The following SMAD2 variants were observed in gnomAD, a reference collection of about 807,000 sequenced individuals.
SMAD2 encodes the protein MAD homolog 2.
Under a neutral mutation model 64.4 loss-of-function variants are expected in SMAD2, and 8 were observed. The observed-to-expected ratio is 0.12, with a 90% CI of 0.07 to 0.22. SMAD2 has a LOEUF of 0.22. Among genes scored for constraint, SMAD2 ranks in the 10% least tolerant of loss-of-function variants. The probability of loss-of-function intolerance (pLI) is 1.00; values close to 1 mark genes in which losing one functional copy is unlikely to be tolerated. For missense variants in SMAD2, 289 were observed against 561.2 expected (o/e 0.51, Z 4.90); for synonymous variants, 203 against 195.8 (o/e 1.04, Z -0.31).
chr18:47,820,882 C>T lies in SMAD2; in HGVS notation c.*20945G>A, dbSNP rs952733113. Reference sequence around the variant, plus strand: ...TTGTATATACACGATAGTGTAAATGCTATACATGCACTATACACACACACA... The same window carrying T: ...TTGTATATACACGATAGTGTAAATGTTATACATGCACTATACACACACACA... On this transcript the variant is annotated 3_prime_UTR_variant, in exon 11 of 11. Coordinates refer to ENST00000262160, the MANE Select transcript of SMAD2 (RefSeq NM_005901.6). The T allele has an allele frequency of 1.4e-5, 2 of 142,874 alleles. No individual in the cohort carries two copies. The highest frequency in any genetic ancestry group is 6.9e-5 in the Admixed American group (1 of 14,406). The allele number at this position is 142,874 out of a possible 1,614,324, so 8.9% of individuals were successfully genotyped here. A position where few individuals can be genotyped will look rare whatever the true frequency, so the allele number is the denominator to read the frequency against.
intron 6 of SMAD2, among the ~76,000 whole-genome samples, chr18:47,855,839 T>C (rs1385051419): frequency 6.6e-6 from 1 of 152,106 alleles, no homozygotes; most frequent in East Asian, 1.9e-4. Flanking sequence ...ACCACCCATC[T>C]CTCCTGGCCT....
Position 47,820,932 on chromosome 18 carries a change from CACACACACAA to C in SMAD2, c.*20885_*20894del, listed in dbSNP as rs1912552484. The C allele has an allele frequency of 7.1e-6, 1 of 141,380 alleles. No homozygotes were observed. Among genetic ancestry groups the C allele is most frequent in the African/African-American group, 2.7e-5 (1 of 37,618 alleles). The allele number at this position is 141,380 out of a possible 1,614,324, so 8.8% of individuals were successfully genotyped here. On this transcript the variant is annotated 3_prime_UTR_variant, in exon 11 of 11. Transcript: ENST00000262160. ...ACACACACACACACACACACACACA[CACACACACAA>C]AATTTGGTCCCCAATGTTAGAACAA...
intron 1 of SMAD2, among the ~76,000 whole-genome samples, chr18:47,900,272 A>C (rs571310642): frequency 6.6e-6 from 1 of 152,274 alleles, no homozygotes; most frequent in Non-Finnish European, 1.5e-5. Context: ...CACTTACAGG[A>C]CAACTCAACT....
chr18:47,882,734 A>G (rs1295790208), intron 2 of SMAD2, among the ~76,000 whole-genome samples: 1 of 152,154 alleles, frequency 6.6e-6, no homozygotes, highest in Non-Finnish European at 1.5e-5. Flanking sequence ...TACCAGTAAA[A>G]CCATGTGGGC....
intron 1 of SMAD2, among the ~76,000 whole-genome samples, chr18:47,921,689 T>C (rs1158843434): frequency 6.6e-6 from 1 of 152,248 alleles, no homozygotes; most frequent in Non-Finnish European, 1.5e-5. Flanking sequence ...CTGTCTCCTT[T>C]CATTGAATGG....
At chr18:47,881,457 G>A (rs897803201) in intron 2 of SMAD2, among the ~76,000 whole-genome samples, 1 of 152,158 alleles carries the variant, frequency 6.6e-6, no homozygotes, top group Non-Finnish European at 1.5e-5. Flanking sequence ...GTGCAGCCTT[G>A]CTAAATTTAC....
chr18:47,851,866 G>C (rs1251255504), intron 6 of SMAD2, among the ~76,000 whole-genome samples: 1 of 152,098 alleles, frequency 6.6e-6, no homozygotes, highest in Non-Finnish European at 1.5e-5. Context: ...TGACCGTTTT[G>C]CACGCTTCCA....
chr18:47,850,286 ATTATG>A (rs1342390439), intron 7 of SMAD2, among the ~76,000 whole-genome samples: 43 of 52,928 alleles, frequency 8.1e-4, no homozygotes, highest in East Asian at 7.5e-3. Flanking sequence ...TATTATATAT[ATTATG>A]TATAATATAT....
Position 47,834,461 on chromosome 18 carries a change from G to C in SMAD2, c.*7366C>G, listed in dbSNP as rs1463431394. The C allele has an allele frequency of 9.8e-6, 2 of 203,940 alleles. No individual in the cohort carries two copies. Among genetic ancestry groups the C allele is most frequent in the Non-Finnish European group, 2.0e-5 (2 of 99,546 alleles). 12.6% of individuals were successfully genotyped at this position (203,940 alleles called of 1,614,324 possible). A position where few individuals can be genotyped will look rare whatever the true frequency, so the allele number is the denominator to read the frequency against. On this transcript the variant is annotated 3_prime_UTR_variant, in exon 11 of 11. Transcript: ENST00000262160. ...GCATCCAGGGAAACCCTCAATCCCAGGCACTTTAGGGCAGCTGGTCACCCT... is the reference window on the plus strand; with the variant it reads ...GCATCCAGGGAAACCCTCAATCCCACGCACTTTAGGGCAGCTGGTCACCCT...
rs1221101951 is a variant in SMAD2, at chr18:47,828,299, C to G, written c.*13528G>C. On this transcript the variant is annotated 3_prime_UTR_variant, in exon 11 of 11. Coordinates refer to ENST00000262160, the MANE Select transcript of SMAD2 (RefSeq NM_005901.6). The stretch of plus-strand genomic sequence containing the variant: ...GGGCAACCCCCGCCCGGCCAGCTGC[C>G]CCGTTCGGGAGGTGGGGGGCAGCCC... 6.5e-6 allele frequency: 1 copy of G among 153,658 alleles called. No individual in the cohort carries two copies. 9.5% of individuals were successfully genotyped at this position (153,658 alleles called of 1,614,324 possible).
In SMAD2 at chr18:47,809,888, G is replaced by A. The variant is rs1488459059; in HGVS notation, c.*31939C>T. The A allele has an allele frequency of 6.6e-6, 1 of 152,194 alleles. No individual in the cohort carries two copies. The highest frequency in any genetic ancestry group is 2.1e-4 in the South Asian group (1 of 4,828). 9.4% of individuals were successfully genotyped at this position (152,194 alleles called of 1,614,324 possible). ...GGCCTGAGACATACTTGGATACAGAGTGGGGTGGACTCACTGAGAAACCTT... is the reference window on the plus strand; with the variant it reads ...GGCCTGAGACATACTTGGATACAGAATGGGGTGGACTCACTGAGAAACCTT... On this transcript the variant is annotated 3_prime_UTR_variant, in exon 11 of 11. Coordinates refer to ENST00000262160, the MANE Select transcript of SMAD2 (RefSeq NM_005901.6).
In SMAD2 at chr18:47,823,505, C is replaced by G. The variant is rs1912643379; in HGVS notation, c.*18322G>C. ...TCCTTCAATATTTGGCTATGACTCT[C>G]TAAGAAAAAAAACTACTCCCATGCT... On this transcript the variant is annotated 3_prime_UTR_variant, in exon 11 of 11. Transcript: ENST00000262160. 6.6e-6 allele frequency: 1 copy of G among 151,944 alleles called. No individual in the cohort carries two copies. The highest frequency in any genetic ancestry group is 6.6e-5 in the Admixed American group (1 of 15,262). The allele number at this position is 151,944 out of a possible 1,614,324, so 9.4% of individuals were successfully genotyped here.
chr18:47,840,777 G>A lies in SMAD2; in HGVS notation c.*1050C>T, dbSNP rs1913866226. On this transcript the variant is annotated 3_prime_UTR_variant, in exon 11 of 11. Transcript: ENST00000262160. ...TGTTGAAATATTGTAAAATACCTTT[G>A]GAAAAACGGTATTTATAGATTAGCT... 1 of 231,052 alleles carries A rather than the reference G, an allele frequency of 4.3e-6. No homozygotes were observed. Among genetic ancestry groups the A allele is most frequent in the Admixed American group, 5.6e-5 (1 of 17,702 alleles). 14.3% of individuals were successfully genotyped at this position (231,052 alleles called of 1,614,324 possible). A position where few individuals can be genotyped will look rare whatever the true frequency, so the allele number is the denominator to read the frequency against.
At chr18:47,929,414 C>G (rs575516486) in intron 1 of SMAD2, among the ~76,000 whole-genome samples, 2 of 152,260 alleles carry the variant, frequency 1.3e-5, no homozygotes, top group African/African-American at 4.8e-5. Context: ...AATCACATTT[C>G]AAAGACCATT....
intron 2 of SMAD2, among the ~76,000 whole-genome samples, chr18:47,892,749 A>C (rs1484805704): frequency 6.6e-6 from 1 of 152,254 alleles, no homozygotes; most frequent in Non-Finnish European, 1.5e-5. Context: ...TACTGAAACA[A>C]ACATCAGGAA....
intron 1 of SMAD2, among the ~76,000 whole-genome samples, chr18:47,927,859 A>AT (rs1293873353): frequency 6.6e-6 from 1 of 152,226 alleles, no homozygotes; most frequent in Non-Finnish European, 1.5e-5. Context: ...AGATCGTGCC[A>AT]TTGCACTCCA....
At chr18:47,902,380 C>T (rs2033719246) in intron 1 of SMAD2, among the ~76,000 whole-genome samples, 2 of 152,168 alleles carry the variant, frequency 1.3e-5, no homozygotes, top group Non-Finnish European at 2.9e-5. Flanking sequence ...CTACTGCATC[C>T]TATCCCCCAA....
At position 47,819,396 on chromosome 18, in the gene SMAD2, T is replaced by G. The variant is rs1292984174; in HGVS notation, c.*22431A>C. ...ATACCTACATATTTCATTTTTATGG[T>G]TCTTAATTGAACACATGATACTCAC... On this transcript the variant is annotated 3_prime_UTR_variant, in exon 11 of 11. Coordinates refer to ENST00000262160, the MANE Select transcript of SMAD2 (RefSeq NM_005901.6). The G allele has an allele frequency of 2.6e-5, 4 of 152,238 alleles. No homozygotes were observed. The highest frequency in any genetic ancestry group is 9.6e-5 in the African/African-American group (4 of 41,476). The allele number at this position is 152,238 out of a possible 1,614,324, so 9.4% of individuals were successfully genotyped here.
intron 1 of SMAD2, among the ~76,000 whole-genome samples, chr18:47,901,467 T>C (rs180911005): frequency 1.3e-5 from 2 of 152,318 alleles, no homozygotes; most frequent in Admixed American, 6.5e-5. Context: ...CCCATTTCCA[T>C]GTAACATAAT....
Sources: allele counts gnomAD v4.1 joint callset (sites outside exome capture counted in the v4.1 genomes callset), GRCh38; gene constraint gnomAD v4.1.1; transcripts MANE v1.5; gene names NCBI Gene and HGNC (gene_info 2026-07-23, HGNC 2026-07-21).